Variants in FAM20C observed in about 807,000 individuals in gnomAD.
FAM20C encodes extracellular serine/threonine protein kinase FAM20C.
Under a neutral mutation model 51.5 loss-of-function variants are expected in FAM20C, and 40 were observed. That is an observed-to-expected ratio of 0.78 (90% CI 0.60 to 1.01). The LOEUF (loss-of-function observed/expected upper bound fraction) is 1.01. Ranked by LOEUF, FAM20C falls within the 50% of genes least tolerant of loss-of-function variation. The pLI is 0.00. For synonymous variants in FAM20C, 406 were observed against 380.6 expected, an observed-to-expected ratio of 1.07 and a Z score of -0.78; for missense variants, 861 against 844.7, an observed-to-expected ratio of 1.02 and a Z score of -0.24.
intron 3 of FAM20C, among the ~76,000 whole-genome samples, chr7:211,091 C>T (rs571886436): frequency 1.1e-4 from 16 of 151,656 alleles, no homozygotes; most frequent in Admixed American, 4.6e-4. Context: ...CCAGGGTGCG[C>T]GACCTACCCT....
At chr7:248,275 C>T (rs768470051) in intron 4 of FAM20C, 40 bp from the exon 5 acceptor site, 22 of 1,447,308 alleles carry the variant, frequency 1.5e-5, no homozygotes, top group Middle Eastern at 1.7e-4. Flanking sequence ...CCCGCTGAGC[C>T]GCACAGAGCA....
chr7:210,852 G>A (rs1013083359), intron 3 of FAM20C, among the ~76,000 whole-genome samples: 2 of 152,224 alleles, frequency 1.3e-5, no homozygotes, highest in Admixed American at 6.5e-5. Flanking sequence ...TTACCGAGCC[G>A]CTGCTCTAAC....
At chr7:255,212 G>A (rs1056637997) in intron 5 of FAM20C, among the ~76,000 whole-genome samples, 2 of 152,220 alleles carry the variant, frequency 1.3e-5, no homozygotes, top group Non-Finnish European at 2.9e-5. Flanking sequence ...CGCCAGCAGC[G>A]CACAGAGGTG....
At chr7:196,792 T>G (rs1785894055) in intron 2 of FAM20C, among the ~76,000 whole-genome samples, 1 of 152,086 alleles carries the variant, frequency 6.6e-6, no homozygotes, top group African/African-American at 2.4e-5. Context: ...GGGTGCTGAG[T>G]TGTTTGCTGG....
In FAM20C at chr7:193,515, T is replaced by C; in HGVS notation, c.316T>C (p.Ser106Pro). Residue 106 changes from serine to proline, a missense_variant, in exon 1 of 10, where the codon TCG becomes CCG. Ser to Pro is a moderately conservative substitution (Grantham distance 74). Around this residue, in one of 3 missense-constraint regions of FAM20C, gnomAD observed 561 missense variants for 499.8 expected, o/e 1.12. Coordinates refer to ENST00000313766, the MANE Select transcript of FAM20C (RefSeq NM_020223.4). ...SDPSSNLSSH[S>P]LEKLPPAAEP... ...CCCCTCCTCCAACCTCTCGTCCCAC[T>C]CGCTGGAGAAACTGCCGCCCGCGGC... The C allele has an allele frequency of 6.7e-7, 1 of 1,502,004 alleles. No homozygotes were observed. The highest frequency in any genetic ancestry group is 8.9e-7 in the Non-Finnish European group (1 of 1,122,480). 93.0% of individuals were successfully genotyped at this position (1,502,004 alleles called of 1,614,324 possible).
chr7:226,222 C>A (rs895894039), intron 3 of FAM20C, among the ~76,000 whole-genome samples: 2 of 152,130 alleles, frequency 1.3e-5, no homozygotes, highest in Non-Finnish European at 2.9e-5. Context: ...TTGGTGTCCA[C>A]GCACCCCATG....
At chr7:203,857 C>A (rs577046115) in intron 2 of FAM20C, among the ~76,000 whole-genome samples, 1 of 152,142 alleles carries the variant, frequency 6.6e-6, no homozygotes, top group Non-Finnish European at 1.5e-5. Flanking sequence ...GATGAGCTGT[C>A]GCACCTGAGC....
chr7:258,568 A>G, intron 8 of FAM20C, 78 bp from the exon 9 acceptor site: 2 of 1,441,952 alleles, frequency 1.4e-6, no homozygotes, highest in Non-Finnish European at 1.9e-6. Flanking sequence ...AGGTGGACCC[A>G]TGGCCCAGCT....
In FAM20C at chr7:193,778, C is replaced by T; in HGVS notation, c.579C>T (p.Ser193=). Residue 193 remains serine, a synonymous_variant, in exon 1 of 10, where the codon AGC becomes AGT. Transcript: ENST00000313766. ...ATGTGAACAGCGACACCAGGCTCAG[C>T]CCCAAAGCGGCGGAGAACCCGGACT... is the stretch of plus-strand genomic sequence containing the variant. ...LFNVNSDTRL[S]PKAAENPDWP... 6.4e-7 allele frequency: 1 copy of T among 1,553,008 alleles called. No homozygotes were observed. Among genetic ancestry groups the T allele is most frequent in the Non-Finnish European group, 8.7e-7 (1 of 1,148,556 alleles).
intron 3 of FAM20C, among the ~76,000 whole-genome samples, chr7:224,163 A>C (rs369384335): frequency 0.05 from 4,070 of 81,322 alleles, 140 homozygotes; most frequent in African/African-American, 0.13. Context: ...TCCCCTGAGC[A>C]TTCTCTCACG....
At chr7:258,483 G>GCA (rs1788737125) in intron 8 of FAM20C, among the ~76,000 whole-genome samples, 163 bp from the exon 9 acceptor site, 1 of 146,306 alleles carries the variant, frequency 6.8e-6, no homozygotes, top group East Asian at 2.0e-4. Flanking sequence ...GCTGGAGATG[G>GCA]GTGGGATGGA....
chr7:257,382 G>A, intron 8 of FAM20C: 1 of 443,810 alleles, frequency 2.3e-6, no homozygotes, highest in Non-Finnish European at 4.1e-6. Flanking sequence ...GGAAGAGCAG[G>A]ACCGTGCAGA....
intron 2 of FAM20C, among the ~76,000 whole-genome samples, chr7:201,638 C>T (rs767557331): frequency 3.3e-5 from 5 of 152,244 alleles, no homozygotes; most frequent in Non-Finnish European, 7.3e-5. Context: ...AAGGCCACAC[C>T]GATTGGGGCC....
intron 2 of FAM20C, among the ~76,000 whole-genome samples, chr7:207,551 C>G (rs910658403): frequency 6.6e-6 from 1 of 152,206 alleles, no homozygotes; most frequent in Non-Finnish European, 1.5e-5. Context: ...AGGGCCCCCG[C>G]CCCGCTTCCC....
intron 3 of FAM20C, among the ~76,000 whole-genome samples, chr7:236,251 C>T (rs1213533507): frequency 3.3e-5 from 5 of 151,870 alleles, no homozygotes; most frequent in African/African-American, 1.2e-4. Flanking sequence ...AGGTGAGAGT[C>T]GGCCTGCTGG....
chr7:247,461 C>T (rs572830953), intron 4 of FAM20C, among the ~76,000 whole-genome samples: 12 of 152,332 alleles, frequency 7.9e-5, no homozygotes, highest in Non-Finnish European at 1.5e-4. Flanking sequence ...TGGGGTTGCC[C>T]TGGGCTAGTT....
intron 5 of FAM20C, among the ~76,000 whole-genome samples, chr7:253,987 C>G (rs569200468): frequency 6.5e-4 from 99 of 152,302 alleles, no homozygotes; most frequent in African/African-American, 2.2e-3. Context: ...TGTATCAGCA[C>G]GAGACAGGAT....
At position 257,890 on chromosome 7, in the gene FAM20C, C is replaced by T. The variant is rs1274178737; in HGVS notation, c.1446-756C>T. On this transcript the variant is annotated intron_variant, in intron 8 of 9. Transcript: ENST00000313766. The stretch of plus-strand genomic sequence containing the variant: ...GATGGGGCTGGGTGGACCCACTGCC[C>T]AGGATGCTGGAGATGGGCTGGGTGG... 1.0e-3 allele frequency among the ~76,000 whole-genome samples: 105 copies of T among 101,118 alleles called. 5 individuals are homozygous for T. The highest frequency in any genetic ancestry group is 4.1e-3 in the African/African-American group (81 of 19,816). 66.3% of individuals were successfully genotyped at this position (101,118 alleles called of 152,430 possible). A position where few individuals can be genotyped will look rare whatever the true frequency, so the allele number is the denominator to read the frequency against.
At chr7:247,089 G>A (rs1371815339) in intron 4 of FAM20C, among the ~76,000 whole-genome samples, 2 of 152,234 alleles carry the variant, frequency 1.3e-5, no homozygotes, top group Admixed American at 6.5e-5. Flanking sequence ...ACAGAGCACA[G>A]GCTTCTCTGG....
Sources: allele counts gnomAD v4.1 joint callset (sites outside exome capture counted in the v4.1 genomes callset), GRCh38; gene constraint gnomAD v4.1.1; regional missense constraint gnomAD v4.1.1; transcripts MANE v1.5; gene names NCBI Gene and HGNC (gene_info 2026-07-23, HGNC 2026-07-21).